HHIPL1: variants seen among roughly 807,000 people sequenced by gnomAD.
HHIPL1 encodes the protein HHIP-like protein 1.
HHIPL1 carries 43 observed loss-of-function variants against 61.8 expected under a neutral mutation model. That is an observed-to-expected ratio of 0.70 (90% CI 0.55 to 0.90). The LOEUF (loss-of-function observed/expected upper bound fraction) is 0.90. HHIPL1 is among the 40% of genes least tolerant of loss of function. HHIPL1 has a pLI of 0.00. For synonymous variants in HHIPL1, 482 were observed against 515.8 expected, an observed-to-expected ratio of 0.93 and a Z score of 0.89; for missense variants, 1,056 against 1,157.7, an observed-to-expected ratio of 0.91 and a Z score of 1.28.
At chr14:99,672,647 G>C (rs1451150877) in intron 8 of HHIPL1, among the ~76,000 whole-genome samples, 1 of 152,152 alleles carries the variant, frequency 6.6e-6, no homozygotes, top group Non-Finnish European at 1.5e-5. Flanking sequence ...TGCCAGGCAA[G>C]GTACTCTGTG....
the HHIPL1 span, among the ~76,000 whole-genome samples, chr14:99,621,906 T>G: frequency 4.6e-5 from 7 of 151,926 alleles, no homozygotes; most frequent in East Asian, 3.9e-4. Flanking sequence ...TAGCAGAGAC[T>G]GGGTTTCACC....
Position 99,668,626 on chromosome 14 carries a change from C to T in HHIPL1, c.1730+323C>T, listed in dbSNP as rs2056285569. 6.6e-6 allele frequency among the ~76,000 whole-genome samples: 1 copy of T among 152,158 alleles called. No individual in the cohort carries two copies. Reference sequence around the variant, plus strand: ...CTCCCTGCGTCTTCCTCCTGTCTAGCAGGCCCCTCATTCCTCATTTCCTGG... The same window carrying T: ...CTCCCTGCGTCTTCCTCCTGTCTAGTAGGCCCCTCATTCCTCATTTCCTGG... On this transcript the variant is annotated intron_variant, in intron 7 of 8. Transcript: ENST00000330710. This position sits in a 1 kb window ranked among gnomAD's most constrained non-coding sequence, Gnocchi z 4.7.
chr14:99,614,413 A>C, the HHIPL1 span, among the ~76,000 whole-genome samples: 1 of 152,158 alleles, frequency 6.6e-6, no homozygotes. Context: ...AGCCCCTGTG[A>C]GCAAATCAGA....
chr14:99,618,272 T>C, the HHIPL1 span, among the ~76,000 whole-genome samples: 18 of 152,200 alleles, frequency 1.2e-4, no homozygotes, highest in Non-Finnish European at 1.5e-5. Context: ...CAGAGCTTTG[T>C]CCTGGAAGCC....
chr14:99,636,036 CT>C, the HHIPL1 span, among the ~76,000 whole-genome samples: 1 of 152,128 alleles, frequency 6.6e-6, no homozygotes, highest in South Asian at 2.1e-4. Flanking sequence ...CAGGAAGAGT[CT>C]CTGCCTCTGG....
chr14:99,662,759 A>T, intron 5 of HHIPL1, 117 bp from the exon 6 acceptor site: 1 of 927,994 alleles, frequency 1.1e-6, no homozygotes, highest in Non-Finnish European at 1.6e-6. Context: ...GGAAGGATGG[A>T]GGGAAGAAGG....
intron 1 of HHIPL1, among the ~76,000 whole-genome samples, chr14:99,647,830 C>T (rs2055866518): frequency 6.6e-6 from 1 of 152,168 alleles, no homozygotes; most frequent in Non-Finnish European, 1.5e-5. Context: ...ATGGGAGACT[C>T]TTTCCTGAGG....
At chr14:99,633,075 A>T in the HHIPL1 span, among the ~76,000 whole-genome samples, 2 of 152,098 alleles carry the variant, frequency 1.3e-5, no homozygotes, top group Admixed American at 6.5e-5. Flanking sequence ...GGCGCCTCCC[A>T]GGGACAGGAG....
At chr14:99,627,411 T>C in the HHIPL1 span, among the ~76,000 whole-genome samples, 2 of 152,174 alleles carry the variant, frequency 1.3e-5, no homozygotes, top group Non-Finnish European at 1.5e-5. This position sits in a 1 kb window ranked among gnomAD's most constrained non-coding sequence, Gnocchi z 4.4. Context: ...CATCTGCCCA[T>C]CTACCTGCCC....
Position 99,660,827 on chromosome 14 carries a change from G to C in HHIPL1, c.1502+421G>C, listed in dbSNP as rs1176547752. On this transcript the variant is annotated intron_variant, in intron 5 of 8. Coordinates refer to ENST00000330710, the MANE Select transcript of HHIPL1 (RefSeq NM_001127258.3). This position sits in a 1 kb window ranked among gnomAD's most constrained non-coding sequence, Gnocchi z 4.9. Reference sequence around the variant, plus strand: ...CTTGTCACTGCAACAGCTGATGGGGGCCTGGAGCCCTGCCCCACCCCACCC... The same window carrying C: ...CTTGTCACTGCAACAGCTGATGGGGCCCTGGAGCCCTGCCCCACCCCACCC... Among the ~76,000 whole-genome samples, 1 of 152,158 alleles carries C rather than the reference G, an allele frequency of 6.6e-6. No homozygotes were observed. Among genetic ancestry groups the C allele is most frequent in the Non-Finnish European group, 1.5e-5 (1 of 68,014 alleles).
intron 1 of HHIPL1, among the ~76,000 whole-genome samples, chr14:99,650,240 C>A (rs563215399): frequency 1.3e-5 from 2 of 152,324 alleles, no homozygotes; most frequent in Non-Finnish European, 2.9e-5. Flanking sequence ...AATCCTCCCC[C>A]AAACGTCCCA....
At chr14:99,622,403 C>T in the HHIPL1 span, among the ~76,000 whole-genome samples, 1 of 152,168 alleles carries the variant, frequency 6.6e-6, no homozygotes, top group South Asian at 2.1e-4. Context: ...GCTCTCCAGC[C>T]CACAATTTCC....
intron 6 of HHIPL1, among the ~76,000 whole-genome samples, chr14:99,665,071 G>C (rs1011800143): frequency 5.3e-5 from 8 of 152,080 alleles, no homozygotes; most frequent in African/African-American, 1.7e-4. Context: ...TTACTGGTGC[G>C]TGCCGCCACA....
the HHIPL1 span, among the ~76,000 whole-genome samples, chr14:99,636,707 G>C: frequency 1.3e-5 from 2 of 152,046 alleles, no homozygotes; most frequent in African/African-American, 4.8e-5. Context: ...GCAGCAAGAG[G>C]CCAGGCGTGG....
At chr14:99,635,184 G>A in the HHIPL1 span, among the ~76,000 whole-genome samples, 73 of 152,246 alleles carry the variant, frequency 4.8e-4, 1 homozygote, top group Non-Finnish European at 7.4e-4. Flanking sequence ...CTGAGGCCCC[G>A]ATAGGACAGC....
At chr14:99,619,331 G>C in the HHIPL1 span, among the ~76,000 whole-genome samples, 1 of 151,632 alleles carries the variant, frequency 6.6e-6, no homozygotes, top group East Asian at 1.9e-4. Context: ...GTGTGGTGGC[G>C]GGCACCTGTA....
rs1255768085 is a variant in HHIPL1, at chr14:99,675,542, C to T, written c.2265C>T (p.Cys755=). The T allele has an allele frequency of 1.9e-6, 3 of 1,540,470 alleles. No homozygotes were observed. Among genetic ancestry groups the T allele is most frequent in the South Asian group, 2.4e-5 (2 of 83,926 alleles). The part of the protein sequence containing the change: ...CAGWERNLLE[C]QHNGVGTHNC... ...GCTGGGAGCGGAACCTGCTGGAGTG[C>T]CAGCACAACGGCGTGGGCACCCACA... Residue 755 remains cysteine (C), a synonymous_variant, in exon 9 of 9, where the codon TGC becomes TGT. Coordinates refer to ENST00000330710, the MANE Select transcript of HHIPL1 (RefSeq NM_001127258.3). This position sits in a 1 kb window ranked among gnomAD's most constrained non-coding sequence, Gnocchi z 5.4.
chr14:99,674,484 G>T (rs1214247075), intron 8 of HHIPL1, among the ~76,000 whole-genome samples: 1 of 152,080 alleles, frequency 6.6e-6, no homozygotes, highest in Admixed American at 6.5e-5. Flanking sequence ...CATCGTACCC[G>T]CTGTGACAAC....
chr14:99,656,981 G>A lies in HHIPL1; in HGVS notation c.903-19G>A, dbSNP rs754895747. On this transcript the variant is annotated intron_variant, in intron 2 of 8. Coordinates refer to ENST00000330710, the MANE Select transcript of HHIPL1 (RefSeq NM_001127258.3). ...CATGCGTGGAAGGCTGAGTTTTAGG[G>A]GCCCTTATCTTCCTTTAGGATAATC... 6.3e-7 allele frequency: 1 copy of A among 1,577,182 alleles called. No individual in the cohort carries two copies. The highest frequency in any genetic ancestry group is 1.2e-5 in the South Asian group (1 of 85,960).
Sources: allele counts gnomAD v4.1 joint callset (sites outside exome capture counted in the v4.1 genomes callset), GRCh38; gene constraint gnomAD v4.1.1; non-coding constraint Gnocchi (gnomAD v3.1); transcripts MANE v1.5; gene names NCBI Gene and HGNC (gene_info 2026-07-23, HGNC 2026-07-21).